The following SHMT1 variants were observed in gnomAD, a reference collection of about 807,000 sequenced individuals.
SHMT1 encodes serine hydroxymethyltransferase, cytosolic.
In SHMT1, 45 loss-of-function variants were observed where a neutral mutation model predicts 49.0. The ratio of observed to expected loss-of-function variants is 0.92; its 90% CI spans 0.72 to 1.18. The LOEUF (loss-of-function observed/expected upper bound fraction) is 1.18. SHMT1 is among the 50% of genes most tolerant of loss of function. The pLI, the probability that SHMT1 is intolerant of heterozygous loss-of-function variation, is 0.00. For missense variants in SHMT1, 541 were observed against 612.4 expected, an observed-to-expected ratio of 0.88 and a Z score of 1.23; for synonymous variants, 232 against 246.6, an observed-to-expected ratio of 0.94 and a Z score of 0.55.
chr17:18,348,919 C>T (rs1985391955), intron 3 of SHMT1, among the ~76,000 whole-genome samples: 1 of 148,448 alleles, frequency 6.7e-6, no homozygotes, highest in South Asian at 2.1e-4. Context: ...GTAAAGGCTG[C>T]AGTGAGCTGT....
chr17:18,350,137 G>C (rs1021094182), intron 3 of SHMT1, among the ~76,000 whole-genome samples: 3 of 152,032 alleles, frequency 2.0e-5, no homozygotes, highest in Admixed American at 2.0e-4. Context: ...GACCATCCTG[G>C]CTAACATGGT....
intron 5 of SHMT1, among the ~76,000 whole-genome samples, chr17:18,344,327 A>C (rs1486498241): frequency 6.6e-6 from 1 of 152,106 alleles, no homozygotes; most frequent in Non-Finnish European, 1.5e-5. Context: ...TTTGGCAAAG[A>C]AACCGTTTTA....
At chr17:18,330,968 G>C (rs1007425473) in intron 9 of SHMT1, 67 of 428,038 alleles carry the variant, frequency 1.6e-4, no homozygotes, top group Middle Eastern at 7.2e-4. Flanking sequence ...CTGACAAGTT[G>C]CTTGGGCAAT....
At chr17:18,359,234 T>C (rs1986531542) in intron 1 of SHMT1, among the ~76,000 whole-genome samples, 1 of 149,578 alleles carries the variant, frequency 6.7e-6, no homozygotes, top group African/African-American at 2.5e-5. Context: ...CAAGACTCTG[T>C]CTCCAGGGGA....
At chr17:18,362,861 G>C (rs529269731) in intron 1 of SHMT1, 3 of 152,400 alleles carry the variant, frequency 2.0e-5, no homozygotes, top group African/African-American at 7.2e-5. Context: ...GGATCTGGTG[G>C]CACGGGCCAA....
At chr17:18,335,513 T>G in intron 8 of SHMT1, 46 bp downstream of exon 8, 2 of 1,330,138 alleles carry the variant, frequency 1.5e-6, no homozygotes, top group Non-Finnish European at 2.2e-6. Flanking sequence ...ACAGGTGGGA[T>G]GGGAATTAGG....
chr17:18,328,610 A>G lies in SHMT1; in HGVS notation c.*140T>C, dbSNP rs1040067293. The G allele has an allele frequency of 1.2e-5, 10 of 848,116 alleles. No homozygotes were observed. Among genetic ancestry groups the G allele is most frequent in the Non-Finnish European group, 1.8e-5 (10 of 553,198 alleles). The allele number at this position is 848,116 out of a possible 1,614,324, so 52.5% of individuals were successfully genotyped here. The stretch of plus-strand genomic sequence containing the variant: ...TTTGATTTGTGAAGAAAACATGAAA[A>G]AAGTCCAAAAGAAACCCCCTCAAAG... On this transcript the variant is annotated 3_prime_UTR_variant, in exon 12 of 12. Transcript: ENST00000316694.
chr17:18,354,917 G>A (rs768810484), intron 2 of SHMT1, among the ~76,000 whole-genome samples: 1 of 150,330 alleles, frequency 6.7e-6, no homozygotes, highest in South Asian at 2.1e-4. Flanking sequence ...AGGGCGTGGT[G>A]GCTGGCACCT....
chr17:18,328,993 C>A, intron 11 of SHMT1, 74 bp from the exon 12 acceptor site: 8 of 1,577,868 alleles, frequency 5.1e-6, no homozygotes, highest in Non-Finnish European at 6.1e-6. Context: ...GGCCGAGGCA[C>A]AAATGTCAGA....
At chr17:18,347,326 G>T (rs1445958512) in intron 5 of SHMT1, among the ~76,000 whole-genome samples, 170 bp downstream of exon 5, 6 of 152,202 alleles carry the variant, frequency 3.9e-5, no homozygotes, top group African/African-American at 1.4e-4. Context: ...CATCCCAGCT[G>T]CCCCAGCGGG....
At chr17:18,337,746 A>AT (rs1287366650) in intron 7 of SHMT1, among the ~76,000 whole-genome samples, 2 of 152,054 alleles carry the variant, frequency 1.3e-5, no homozygotes, top group South Asian at 2.1e-4. Context: ...TGGTTTTCGT[A>AT]TTTTTTTGGT....
chr17:18,340,297 C>G lies in SHMT1; in HGVS notation c.602-42G>C, dbSNP rs1346875225. On this transcript the variant is annotated intron_variant, in intron 6 of 11. Transcript: ENST00000316694. The surrounding 1 kb of genome is among the most constrained non-coding windows in gnomAD (Gnocchi z 4.5). ...GACACAGCTGCATCAGAGATGTCCA[C>G]CGGCCAGCTGAGTTGGCTTCACAGT... 2.5e-6 allele frequency: 4 copies of G among 1,603,792 alleles called. No individual in the cohort carries two copies. The highest frequency in any genetic ancestry group is 3.4e-6 in the Non-Finnish European group (4 of 1,171,932).
intron 3 of SHMT1, chr17:18,348,803 C>T (rs1002502876): frequency 7.9e-5 from 38 of 480,268 alleles, no homozygotes; most frequent in African/African-American, 6.4e-4. Context: ...AGCAATATCC[C>T]CATCTCTACA....
intron 10 of SHMT1, 60 bp from the exon 11 acceptor site, chr17:18,329,448 A>C (rs1049349214): frequency 1.5e-6 from 2 of 1,350,078 alleles, no homozygotes; most frequent in Non-Finnish European, 2.1e-6. Flanking sequence ...ATGGTGGTGC[A>C]TTTAAAAAGG....
intron 11 of SHMT1, 46 bp from the exon 12 acceptor site, chr17:18,328,965 G>A: frequency 6.2e-7 from 1 of 1,610,648 alleles, no homozygotes; most frequent in East Asian, 2.2e-5. Flanking sequence ...ACACACCAAA[G>A]GGGGTACAAT....
chr17:18,348,081 A>G (rs1353666311), intron 4 of SHMT1, among the ~76,000 whole-genome samples: 2 of 151,974 alleles, frequency 1.3e-5, no homozygotes, highest in African/African-American at 4.8e-5. Flanking sequence ...CACTACACCC[A>G]GCTAATTTTT....
At chr17:18,344,577 G>GGAAAAAAAAAAAAAAA (rs1555581586) in intron 5 of SHMT1, among the ~76,000 whole-genome samples, 1 of 65,384 alleles carries the variant, frequency 1.5e-5, no homozygotes, top group African/African-American at 6.0e-5. Flanking sequence ...ACAATTACCG[G>GGAAAAAAAAAAAAAAA]AAAAAAAAAA....
intron 3 of SHMT1, among the ~76,000 whole-genome samples, chr17:18,352,960 A>G (rs1985873114): frequency 6.6e-6 from 1 of 152,212 alleles, no homozygotes; most frequent in Admixed American, 6.6e-5. Context: ...GGCACAATGC[A>G]AAAGTTAGTT....
chr17:18,353,101 A>G (rs896986554), intron 3 of SHMT1, among the ~76,000 whole-genome samples: 3 of 152,184 alleles, frequency 2.0e-5, no homozygotes, highest in Admixed American at 6.6e-5. Flanking sequence ...TGGGACAAAA[A>G]TGCACACATT....
Sources: gnomAD v4.1 joint callset for allele counts (sites outside exome capture counted in the v4.1 genomes callset) on GRCh38, gnomAD v4.1.1 for gene constraint, Gnocchi (gnomAD v3.1) non-coding constraint, MANE v1.5 for transcripts, NCBI Gene and HGNC (gene_info 2026-07-23, HGNC 2026-07-21) for gene names.